The following DGKB variants were observed in gnomAD, a reference collection of about 807,000 sequenced individuals.
DGKB encodes the protein diacylglycerol kinase beta, also known as 90 kDa diacylglycerol kinase.
A neutral mutation model predicts 114.3 loss-of-function variants in DGKB; 67 were observed. That is an observed-to-expected ratio of 0.59 (90% CI 0.48 to 0.72). The LOEUF (loss-of-function observed/expected upper bound fraction) is 0.72. DGKB is among the 30% of genes least tolerant of loss of function. The pLI is 0.00. For synonymous variants in DGKB, 398 were observed against 323.1 expected (o/e 1.23, Z -2.49); for missense variants, 907 against 975.2 (o/e 0.93, Z 0.93).
chr7:14,592,102 C>G (rs1482800820), intron 17 of DGKB, among the ~76,000 whole-genome samples: 1 of 151,468 alleles, frequency 6.6e-6, no homozygotes, highest in East Asian at 1.9e-4. Flanking sequence ...ATATATGGCT[C>G]TAAGTAGTAT....
intron 13 of DGKB, among the ~76,000 whole-genome samples, chr7:14,660,376 G>A (rs528554154): frequency 6.6e-6 from 1 of 151,764 alleles, no homozygotes; most frequent in Non-Finnish European, 1.5e-5. Context: ...ACTCTTTTTG[G>A]TTGGTAAGCT....
In DGKB at chr7:14,252,362, T is replaced by C. The variant is rs114787537; in HGVS notation, c.2123-74211A>G. On this transcript the variant is annotated intron_variant, in intron 23 of 25. Transcript: ENST00000402815. ...CTGGTGCTTTACTTTGATACTTTGA[T>C]ACTATCATGTTTTCCTGATTATTCG... Among the ~76,000 whole-genome samples, 600 of 152,330 alleles carry C rather than the reference T, an allele frequency of 3.9e-3. 2 individuals are homozygous for C. Among genetic ancestry groups the C allele is most frequent in the African/African-American group, 0.014 (563 of 41,564 alleles).
intron 2 of DGKB, among the ~76,000 whole-genome samples, chr7:14,796,687 T>TAAAA (rs59325137): frequency 7.1e-4 from 100 of 141,012 alleles, no homozygotes; most frequent in African/African-American, 2.1e-3. Flanking sequence ...TTCTAGAAAG[T>TAAAA]AAAAAAAAAA....
chr7:14,760,015 C>T (rs577643438), intron 2 of DGKB, among the ~76,000 whole-genome samples: 1 of 152,272 alleles, frequency 6.6e-6, no homozygotes, highest in African/African-American at 2.4e-5. Flanking sequence ...ACTAATAATG[C>T]TGAGCATCTT....
chr7:14,660,882 C>A (rs180964868), intron 13 of DGKB, among the ~76,000 whole-genome samples: 3,955 of 151,870 alleles, frequency 0.026, 188 homozygotes, highest in African/African-American at 0.09. Flanking sequence ...CAGAACAGAA[C>A]CCTCAGAAAT....
chr7:14,680,870 T>G (rs1255634895), intron 12 of DGKB, among the ~76,000 whole-genome samples: 1 of 151,998 alleles, frequency 6.6e-6, no homozygotes, highest in African/African-American at 2.4e-5. Context: ...TTAAAAACAT[T>G]GATTTTTTAA....
At chr7:14,415,341 A>G (rs1229439021) in intron 21 of DGKB, among the ~76,000 whole-genome samples, 5 of 152,054 alleles carry the variant, frequency 3.3e-5, no homozygotes, top group Non-Finnish European at 7.4e-5. Context: ...ACATATGTAT[A>G]CATGTGCCAT....
At chr7:14,412,718 A>G (rs142513092) in intron 21 of DGKB, among the ~76,000 whole-genome samples, 117 of 152,302 alleles carry the variant, frequency 7.7e-4, no homozygotes, top group Non-Finnish European at 1.3e-3. Context: ...ACGGTGGCTC[A>G]CGCCTGTAAT....
chr7:14,598,383 G>A (rs1802957029), intron 17 of DGKB, among the ~76,000 whole-genome samples: 2 of 152,122 alleles, frequency 1.3e-5, no homozygotes, highest in Admixed American at 6.6e-5. Context: ...TGATCTAAAC[G>A]AAAAGTCATG....
chr7:14,479,099 A>C (rs1017426130), intron 20 of DGKB, among the ~76,000 whole-genome samples: 1 of 152,104 alleles, frequency 6.6e-6, no homozygotes, highest in African/African-American at 2.4e-5. Context: ...TAATCACTCA[A>C]ATGAGGAACT....
At chr7:14,347,401 A>T (rs1362936077) in intron 21 of DGKB, among the ~76,000 whole-genome samples, 3 of 152,056 alleles carry the variant, frequency 2.0e-5, no homozygotes, top group African/African-American at 7.2e-5. Flanking sequence ...AAAAAATTAA[A>T]AAATAGAACA....
intron 1 of DGKB, among the ~76,000 whole-genome samples, chr7:14,864,217 T>C (rs771385882): frequency 2.4e-4 from 36 of 152,332 alleles, no homozygotes; most frequent in Admixed American, 5.9e-4. Flanking sequence ...CATAATAGTT[T>C]CGTACAGATA....
chr7:14,475,003 G>C (rs1781959100), intron 21 of DGKB, among the ~76,000 whole-genome samples: 1 of 152,014 alleles, frequency 6.6e-6, no homozygotes, highest in South Asian at 2.1e-4. Context: ...ACTCTCTTAA[G>C]CAACGGAAAA....
At chr7:14,632,728 T>C (rs1269678489) in intron 13 of DGKB, among the ~76,000 whole-genome samples, 1 of 151,786 alleles carries the variant, frequency 6.6e-6, no homozygotes. Flanking sequence ...AACAGAGTTC[T>C]CATTTAAGAT....
intron 2 of DGKB, among the ~76,000 whole-genome samples, chr7:14,801,950 A>G (rs1353756202): frequency 6.6e-6 from 1 of 151,718 alleles, no homozygotes; most frequent in Non-Finnish European, 1.5e-5. Context: ...ACACACACGC[A>G]CACACATATA....
chr7:14,800,620 T>G (rs1419114860), intron 2 of DGKB, among the ~76,000 whole-genome samples: 2 of 152,180 alleles, frequency 1.3e-5, no homozygotes, highest in Non-Finnish European at 2.9e-5. Flanking sequence ...AAGTTAATAC[T>G]TAGTAAACTC....
intron 6 of DGKB, among the ~76,000 whole-genome samples, chr7:14,702,668 G>A (rs543843468): frequency 6.6e-6 from 1 of 152,150 alleles, no homozygotes; most frequent in Admixed American, 6.5e-5. Context: ...GTTTGTCTTG[G>A]GTTTGTATAA....
At chr7:14,912,804 CAT>C (rs571184141) in intron 1 of DGKB, among the ~76,000 whole-genome samples, 92 of 152,254 alleles carry the variant, frequency 6.0e-4, no homozygotes, top group African/African-American at 2.2e-3. Flanking sequence ...GTTTCCCACA[CAT>C]ATGAGTGTCC....
intron 1 of DGKB, among the ~76,000 whole-genome samples, chr7:14,868,593 G>C (rs1485991794): frequency 6.6e-6 from 1 of 151,866 alleles, no homozygotes; most frequent in African/African-American, 2.4e-5. Context: ...CTTCTATGTG[G>C]AATAGTAGCT....
Sources: allele counts gnomAD v4.1 joint callset (sites outside exome capture counted in the v4.1 genomes callset), GRCh38; gene constraint gnomAD v4.1.1; transcripts MANE v1.5; gene names NCBI Gene and HGNC (gene_info 2026-07-23, HGNC 2026-07-21).